Variants in STON2 observed in about 807,000 individuals in gnomAD.
The protein encoded by STON2 is stonin 2.
A neutral mutation model predicts 65.7 loss-of-function variants in STON2; 29 were observed. The observed-to-expected ratio is 0.44, with a 90% CI of 0.33 to 0.60. The LOEUF is 0.60. Among genes scored for constraint, STON2 ranks in the 20% least tolerant of loss-of-function variants. The pLI, the probability that STON2 is intolerant of heterozygous loss-of-function variation, is 0.03. For missense variants in STON2, 1,054 were observed against 1,118.1 expected, an observed-to-expected ratio of 0.94 and a Z score of 0.82; for synonymous variants, 404 against 414.2, an observed-to-expected ratio of 0.98 and a Z score of 0.30.
intron 4 of STON2, among the ~76,000 whole-genome samples, chr14:81,367,510 A>AGTAAATGGTTAAATGTCAC (rs1411988498): frequency 6.6e-6 from 1 of 152,144 alleles, no homozygotes; most frequent in African/African-American, 2.4e-5. Context: ...CTGCTACTGG[A>AGTAAATGGTTAAATGTCAC]GTAAATGGTT....
At chr14:81,306,894 T>C (rs1160080726) in intron 5 of STON2, 1 of 152,198 alleles carries the variant, frequency 6.6e-6, no homozygotes, top group Non-Finnish European at 1.5e-5. Flanking sequence ...AGCAGGATAA[T>C]TACTATCTTT....
intron 5 of STON2, among the ~76,000 whole-genome samples, chr14:81,295,964 T>G (rs368578327): frequency 1.4e-4 from 22 of 152,354 alleles, no homozygotes; most frequent in African/African-American, 5.0e-4. Flanking sequence ...TCTTACTCTA[T>G]GTACACATTC....
intron 4 of STON2, among the ~76,000 whole-genome samples, chr14:81,366,130 C>T (rs993654325): frequency 1.3e-5 from 2 of 152,098 alleles, no homozygotes; most frequent in Non-Finnish European, 2.9e-5. Flanking sequence ...TCCAGCTCTG[C>T]CCCCCCGCAC....
chr14:81,269,699 C>A (rs778008974), intron 7 of STON2: 54 of 985,036 alleles, frequency 5.5e-5, no homozygotes, highest in Non-Finnish European at 6.3e-5. Context: ...CCATATAAAT[C>A]CAAGGATATT....
chr14:81,333,992 T>C (rs1897292418), intron 4 of STON2, among the ~76,000 whole-genome samples: 1 of 152,174 alleles, frequency 6.6e-6, no homozygotes, highest in Non-Finnish European at 1.5e-5. Context: ...AGGTTTCTGC[T>C]CTAAAGCCAA....
intron 5 of STON2, among the ~76,000 whole-genome samples, chr14:81,309,104 G>A (rs952651359): frequency 2.0e-5 from 3 of 148,354 alleles, no homozygotes; most frequent in East Asian, 4.0e-4. Context: ...AAAAAAACTC[G>A]TTATTTTGAC....
At chr14:81,435,235 A>C (rs1454424242) in intron 1 of STON2, among the ~76,000 whole-genome samples, 2 of 152,230 alleles carry the variant, frequency 1.3e-5, no homozygotes, top group Non-Finnish European at 2.9e-5. Context: ...GCTACCTTTA[A>C]AGATACCATC....
chr14:81,372,272 G>A (rs957629024), intron 3 of STON2, among the ~76,000 whole-genome samples: 3 of 151,988 alleles, frequency 2.0e-5, no homozygotes, highest in South Asian at 2.1e-4. Flanking sequence ...ATATCATTAC[G>A]GCCGGGCACG....
intron 7 of STON2, 71 bp downstream of exon 7, chr14:81,270,599 A>T: frequency 1.9e-6 from 3 of 1,613,716 alleles, no homozygotes; most frequent in Non-Finnish European, 2.5e-6. Flanking sequence ...GGCTAAAAGG[A>T]ATAAGAGGGG....
intron 2 of STON2, among the ~76,000 whole-genome samples, chr14:81,425,469 G>A (rs1157380773): frequency 2.6e-5 from 4 of 152,140 alleles, no homozygotes; most frequent in Admixed American, 1.3e-4. Context: ...CTACTTGGGA[G>A]GCTTAGGCAG....
At chr14:81,316,381 T>TG (rs1896620513) in intron 5 of STON2, among the ~76,000 whole-genome samples, 1 of 152,240 alleles carries the variant, frequency 6.6e-6, no homozygotes, top group Non-Finnish European at 1.5e-5. Flanking sequence ...CATTGTGGTA[T>TG]GGAAATCTCA....
intron 7 of STON2, among the ~76,000 whole-genome samples, chr14:81,269,048 G>T (rs1444992307): frequency 1.3e-5 from 2 of 151,998 alleles, no homozygotes; most frequent in East Asian, 3.9e-4. Context: ...ACTCAGACCG[G>T]AGTGCACTGG....
At position 81,261,036 on chromosome 14, in the gene STON2, A is replaced by G. The variant is rs1330654550; in HGVS notation, c.*7378T>C. 15 of 152,202 alleles carry G rather than the reference A, an allele frequency of 9.9e-5. No homozygotes were observed. The highest frequency in any genetic ancestry group is 9.8e-4 in the Admixed American group (15 of 15,268). The allele number at this position is 152,202 out of a possible 1,614,324, so 9.4% of individuals were successfully genotyped here. ...ACACTGATTTTGATTAATCTCTTGA[A>G]TACGGTAGTTTTCTCCAGGTTCTCT... On this transcript the variant is annotated 3_prime_UTR_variant, in exon 8 of 8. Coordinates refer to ENST00000614646, the MANE Select transcript of STON2 (RefSeq NM_001394390.1).
intron 5 of STON2, among the ~76,000 whole-genome samples, chr14:81,296,965 A>T: frequency 6.6e-6 from 1 of 152,150 alleles, no homozygotes; most frequent in East Asian, 1.9e-4. Flanking sequence ...GGCAAAACTG[A>T]ACCAAGGAAA....
chr14:81,389,231 C>T (rs1422552223), intron 3 of STON2, among the ~76,000 whole-genome samples: 1 of 152,168 alleles, frequency 6.6e-6, no homozygotes, highest in Non-Finnish European at 1.5e-5. Context: ...GGGAAAAGGG[C>T]TAAAGCCAAA....
chr14:81,346,576 A>C lies in STON2; in HGVS notation c.572-22389T>G, dbSNP rs146090218. On this transcript the variant is annotated intron_variant, in intron 4 of 7. Coordinates refer to ENST00000614646, the MANE Select transcript of STON2 (RefSeq NM_001394390.1). ...TTTAAACTGCACTTCAGACCAAATG[A>C]ACCTAACATATATTTATCGAACATT... 5.3e-3 allele frequency among the ~76,000 whole-genome samples: 808 copies of C among 152,302 alleles called. 7 individuals are homozygous for C. The highest frequency in any genetic ancestry group is 0.015 in the South Asian group (71 of 4,828).
At chr14:81,275,118 G>C (rs532282671) in intron 6 of STON2, among the ~76,000 whole-genome samples, 1 of 152,172 alleles carries the variant, frequency 6.6e-6, no homozygotes, top group South Asian at 2.1e-4. Context: ...TAGGGTAGCC[G>C]ATAAGTCTTT....
intron 4 of STON2, among the ~76,000 whole-genome samples, chr14:81,370,370 A>C (rs1898928579): frequency 6.6e-6 from 1 of 152,216 alleles, no homozygotes; most frequent in Admixed American, 6.5e-5. Flanking sequence ...GTAATTCAGC[A>C]CTTGTTAACA....
chr14:81,428,722 C>CA (rs1392906782), intron 1 of STON2, among the ~76,000 whole-genome samples: 12 of 149,476 alleles, frequency 8.0e-5, no homozygotes, highest in Non-Finnish European at 1.2e-4. Context: ...TACTCTGTCT[C>CA]AAAAAAAAAC....
Sources: gnomAD v4.1 joint callset for allele counts (sites outside exome capture counted in the v4.1 genomes callset) on GRCh38, gnomAD v4.1.1 for gene constraint, MANE v1.5 for transcripts, NCBI Gene and HGNC (gene_info 2026-07-23, HGNC 2026-07-21) for gene names.